Variants in GAPT observed in about 807,000 individuals in gnomAD.
The protein encoded by GAPT is protein GAPT.
For missense variants in GAPT, 206 were observed against 189.2 expected (o/e 1.09, Z -0.52); for synonymous variants, 82 against 69.7 (o/e 1.18, Z -0.88).
chr5:58,494,143 A>G (rs1311332371), intron 2 of GAPT, 104 bp from the exon 3 acceptor site: 1 of 165,224 alleles, frequency 6.1e-6, no homozygotes, highest in African/African-American at 2.4e-5. Flanking sequence ...TTTAATTTAT[A>G]GCAGGTTTCT....
chr5:58,495,030 T>C lies in GAPT; in HGVS notation c.*20T>C, dbSNP rs1744406040. 1 of 1,454,988 alleles carries C rather than the reference T, an allele frequency of 6.9e-7. No homozygotes were observed. The highest frequency in any genetic ancestry group is 9.5e-7 in the Non-Finnish European group (1 of 1,053,500). The allele number at this position is 1,454,988 out of a possible 1,614,324, so 90.1% of individuals were successfully genotyped here. On this transcript the variant is annotated 3_prime_UTR_variant, in exon 3 of 3. Transcript: ENST00000502276. ...TATTAGCTTTTCAAAATATTGACTT[T>C]TGTTATTGGATGATAAATATTCACT... is the stretch of plus-strand genomic sequence containing the variant.
intron 1 of GAPT, among the ~76,000 whole-genome samples, chr5:58,493,253 C>T (rs1455188703): frequency 6.6e-6 from 1 of 152,110 alleles, no homozygotes; most frequent in East Asian, 1.9e-4. Flanking sequence ...ACTGTTGGAT[C>T]TATGTCTATG....
intron 1 of GAPT, among the ~76,000 whole-genome samples, chr5:58,492,491 C>A (rs1744283897): frequency 1.3e-5 from 2 of 152,134 alleles, no homozygotes; most frequent in Non-Finnish European, 2.9e-5. Context: ...AGGGACCCTG[C>A]AGATTGTAAA....
rs567864165 is a variant in GAPT at position 58,495,160 on chromosome 5, G to A, written c.*150G>A. On this transcript the variant is annotated 3_prime_UTR_variant, in exon 3 of 3. Coordinates refer to ENST00000502276, the MANE Select transcript of GAPT (RefSeq NM_001304431.2). ...ATACACCATAGAATATTATGCAGCC[G>A]TAAAAAAAGAACAAAACTAACATGG... The A allele has an allele frequency of 1.1e-4, 62 of 573,430 alleles. No homozygotes were observed. The highest frequency in any genetic ancestry group is 2.6e-4 in the African/African-American group (14 of 53,340). 35.5% of individuals were successfully genotyped at this position (573,430 alleles called of 1,614,324 possible).
chr5:58,493,604 C>T (rs1417888835), intron 1 of GAPT, 107 bp from the exon 2 acceptor site: 1 of 152,102 alleles, frequency 6.6e-6, no homozygotes, highest in Non-Finnish European at 1.5e-5. Context: ...TGATTGGATG[C>T]ATTTTCTGTG....
Position 58,495,225 on chromosome 5 carries a change from G to T in GAPT, c.*215G>T. 4.0e-6 allele frequency: 2 copies of T among 497,054 alleles called. No individual in the cohort carries two copies. Among genetic ancestry groups the T allele is most frequent in the Non-Finnish European group, 7.1e-6 (2 of 280,074 alleles). 30.8% of individuals were successfully genotyped at this position (497,054 alleles called of 1,614,324 possible). A position where few individuals can be genotyped will look rare whatever the true frequency, so the allele number is the denominator to read the frequency against. On this transcript the variant is annotated 3_prime_UTR_variant, in exon 3 of 3. Coordinates refer to ENST00000502276, the MANE Select transcript of GAPT (RefSeq NM_001304431.2). ...ATACCACATATTCTCACTTAAAAGT[G>T]GGAGCTAAATAATAAGAACACATGG...
At position 58,496,133 on chromosome 5, in the gene GAPT, A is replaced by C. The variant is rs1744442815; in HGVS notation, c.*1123A>C. 1.2e-5 allele frequency: 2 copies of C among 166,790 alleles called. No individual in the cohort carries two copies. The highest frequency in any genetic ancestry group is 2.9e-5 in the Non-Finnish European group (2 of 68,114). 10.3% of individuals were successfully genotyped at this position (166,790 alleles called of 1,614,324 possible). A position where few individuals can be genotyped will look rare whatever the true frequency, so the allele number is the denominator to read the frequency against. On this transcript the variant is annotated 3_prime_UTR_variant, in exon 3 of 3. Transcript: ENST00000502276. ...CTGATATAAGCTTTGATGCCTCTTC[A>C]ATTCTTAGGACATTTAAACATATGA... is the stretch of plus-strand genomic sequence containing the variant.
Position 58,494,933 on chromosome 5 carries a change from T to G in GAPT, c.397T>G (p.Tyr133Asp), listed in dbSNP as rs767684666. Residue 133 changes from tyrosine to aspartate, a missense_variant, in exon 3 of 3, where the codon TAT (tyrosine) becomes GAT (aspartate). Physicochemically the swap from Tyr to Asp is radical, Grantham distance 160. Coordinates refer to ENST00000502276, the MANE Select transcript of GAPT (RefSeq NM_001304431.2). ...HIYGNETSSD[Y>D]YNFQKPRPSE... The stretch of plus-strand genomic sequence containing the variant: ...CTATGGAAATGAGACATCTTCTGAC[T>G]ATTATAACTTCCAGAAGCCTCGTCC... 1 of 1,613,936 alleles carries G rather than the reference T, an allele frequency of 6.2e-7. No individual in the cohort carries two copies. The highest frequency in any genetic ancestry group is 8.5e-7 in the Non-Finnish European group (1 of 1,179,826).
At position 58,493,727 on chromosome 5, in the gene GAPT, A is replaced by C. The variant is rs1744335161; in HGVS notation, c.-402A>C. ...CTCATTTAGGTTATCACGCTATAAT[A>C]GAGAATGGACTCATTAATATGGGAT... On this transcript the variant is annotated 5_prime_UTR_variant, in exon 2 of 3. Coordinates refer to ENST00000502276, the MANE Select transcript of GAPT (RefSeq NM_001304431.2). 6.6e-6 allele frequency: 1 copy of C among 152,206 alleles called. No homozygotes were observed. Among genetic ancestry groups the C allele is most frequent in the African/African-American group, 2.4e-5 (1 of 41,450 alleles). 9.4% of individuals were successfully genotyped at this position (152,206 alleles called of 1,614,324 possible).
In GAPT at chr5:58,496,655, G is replaced by C. The variant is rs1380101836; in HGVS notation, c.*1645G>C. 1 of 167,070 alleles carries C rather than the reference G, an allele frequency of 6.0e-6. No individual in the cohort carries two copies. Among genetic ancestry groups the C allele is most frequent in the African/African-American group, 2.4e-5 (1 of 41,440 alleles). The allele number at this position is 167,070 out of a possible 1,614,324, so 10.3% of individuals were successfully genotyped here. A position where few individuals can be genotyped will look rare whatever the true frequency, so the allele number is the denominator to read the frequency against. ...ATTCTCTACCAATAGGGGGCACTAA[G>C]GAAGACCGAAAGGCAGTAGGAGGCA... is the stretch of plus-strand genomic sequence containing the variant. On this transcript the variant is annotated 3_prime_UTR_variant, in exon 3 of 3. Transcript: ENST00000502276.
Position 58,495,625 on chromosome 5 carries a change from T to A in GAPT, c.*615T>A, listed in dbSNP as rs1184383986. The A allele has an allele frequency of 6.1e-6, 1 of 162,890 alleles. No homozygotes were observed. The highest frequency in any genetic ancestry group is 2.4e-5 in the African/African-American group (1 of 41,434). 10.1% of individuals were successfully genotyped at this position (162,890 alleles called of 1,614,324 possible). On this transcript the variant is annotated 3_prime_UTR_variant, in exon 3 of 3. Coordinates refer to ENST00000502276, the MANE Select transcript of GAPT (RefSeq NM_001304431.2). ...CTTGCACCAGACTAAATCTGTATTATGTGATATTGATTCTTCCTTCTAAAT... is the reference window on the plus strand; with the variant it reads ...CTTGCACCAGACTAAATCTGTATTAAGTGATATTGATTCTTCCTTCTAAAT...
rs1042667479 is a variant in GAPT at position 58,496,939 on chromosome 5, T to C, written c.*1929T>C. 6.0e-6 allele frequency: 1 copy of C among 167,080 alleles called. No individual in the cohort carries two copies. Among genetic ancestry groups the C allele is most frequent in the Non-Finnish European group, 1.5e-5 (1 of 68,160 alleles). 10.3% of individuals were successfully genotyped at this position (167,080 alleles called of 1,614,324 possible). A position where few individuals can be genotyped will look rare whatever the true frequency, so the allele number is the denominator to read the frequency against. The stretch of plus-strand genomic sequence containing the variant: ...ACCCTCAGAGTTCTGCGTCCCAGCC[T>C]GGCAGGGCTCCTCCTCTGAGGTCTG... On this transcript the variant is annotated 3_prime_UTR_variant, in exon 3 of 3. Transcript: ENST00000502276.
intron 1 of GAPT, among the ~76,000 whole-genome samples, chr5:58,492,003 C>T (rs190544767): frequency 2.6e-5 from 4 of 152,030 alleles, no homozygotes; most frequent in African/African-American, 7.2e-5. Context: ...AATGTTATTT[C>T]GAAGAAAATG....
chr5:58,496,041 C>T lies in GAPT; in HGVS notation c.*1031C>T, dbSNP rs1744440027. The T allele has an allele frequency of 6.0e-6, 1 of 167,078 alleles. No homozygotes were observed. The highest frequency in any genetic ancestry group is 2.4e-5 in the African/African-American group (1 of 41,472). The allele number at this position is 167,078 out of a possible 1,614,324, so 10.3% of individuals were successfully genotyped here. On this transcript the variant is annotated 3_prime_UTR_variant, in exon 3 of 3. Transcript: ENST00000502276. Reference sequence around the variant, plus strand: ...TTTTCTGCCTCTTCTCTCAAGCCTGCTTCAGATCATAAGTTCTTCCACACA... The same window carrying T: ...TTTTCTGCCTCTTCTCTCAAGCCTGTTTCAGATCATAAGTTCTTCCACACA...
chr5:58,494,204 C>G (rs1744356765), intron 2 of GAPT, 43 bp from the exon 3 acceptor site: 1 of 211,912 alleles, frequency 4.7e-6, no homozygotes, highest in Non-Finnish European at 9.3e-6. Context: ...ACTCTGCTGT[C>G]ATCTTCCACT....
chr5:58,495,129 G>A lies in GAPT; in HGVS notation c.*119G>A. On this transcript the variant is annotated 3_prime_UTR_variant, in exon 3 of 3. Coordinates refer to ENST00000502276, the MANE Select transcript of GAPT (RefSeq NM_001304431.2). ...CTGTAGACTGGATAAAGAAAATGTG[G>A]TACACATACACCATAGAATATTATG... 1.5e-6 allele frequency: 1 copy of A among 646,692 alleles called. No homozygotes were observed. The highest frequency in any genetic ancestry group is 2.0e-5 in the South Asian group (1 of 50,524). The allele number at this position is 646,692 out of a possible 1,614,324, so 40.1% of individuals were successfully genotyped here. A position where few individuals can be genotyped will look rare whatever the true frequency, so the allele number is the denominator to read the frequency against.
At chr5:58,492,881 G>T (rs1340219824) in intron 1 of GAPT, among the ~76,000 whole-genome samples, 2 of 152,128 alleles carry the variant, frequency 1.3e-5, no homozygotes, top group East Asian at 3.9e-4. Context: ...GCTGGTGTTG[G>T]TAATACAAAG....
chr5:58,492,792 T>C (rs1037468222), intron 1 of GAPT, among the ~76,000 whole-genome samples: 4 of 152,170 alleles, frequency 2.6e-5, no homozygotes, highest in Non-Finnish European at 4.4e-5. Context: ...TTTCTTCTCA[T>C]TGTTACTATT....
At chr5:58,493,626 G>C (rs1744330951) in intron 1 of GAPT, 85 bp from the exon 2 acceptor site, 1 of 152,066 alleles carries the variant, frequency 6.6e-6, no homozygotes. Context: ...TAGGTGTTGT[G>C]CCATTCTCTG....
Sources: gnomAD v4.1 joint callset for allele counts (sites outside exome capture counted in the v4.1 genomes callset) on GRCh38, gnomAD v4.1.1 for gene constraint, MANE v1.5 for transcripts, NCBI Gene and HGNC (gene_info 2026-07-23, HGNC 2026-07-21) for gene names.